Variants in SYT7 observed in about 807,000 individuals in gnomAD.
SYT7 encodes the protein synaptotagmin 7.
SYT7 carries 29 observed loss-of-function variants against 75.1 expected under a neutral mutation model. That is an observed-to-expected ratio of 0.39 (90% CI 0.29 to 0.53). The LOEUF is 0.53. Ranked by LOEUF, SYT7 falls within the 20% of genes least tolerant of loss-of-function variation. SYT7 has a pLI of 0.77. For missense variants in SYT7, 693 were observed against 953.2 expected, an observed-to-expected ratio of 0.73 and a Z score of 3.59; for synonymous variants, 376 against 401.7, an observed-to-expected ratio of 0.94 and a Z score of 0.76.
chr11:61,518,504 G>C lies in SYT7; in HGVS notation c.*123C>G. The C allele has an allele frequency of 3.2e-6, 2 of 629,462 alleles. No individual in the cohort carries two copies. The highest frequency in any genetic ancestry group is 5.2e-6 in the Non-Finnish European group (2 of 386,672). 39.0% of individuals were successfully genotyped at this position (629,462 alleles called of 1,614,324 possible). On this transcript the variant is annotated 3_prime_UTR_variant, in exon 13 of 13. Coordinates refer to ENST00000539008, the MANE Select transcript of SYT7 (RefSeq NM_001365809.2). ...CAGTTGAGTCCTGGGACCCCTCCCT[G>C]GCTGAGCCCTCAGGGTCCTCCCCTC... is the stretch of plus-strand genomic sequence containing the variant.
intron 2 of SYT7, among the ~76,000 whole-genome samples, chr11:61,552,456 ACACACACACACACATG>A (rs553326781): frequency 2.0e-4 from 28 of 138,658 alleles, no homozygotes; most frequent in African/African-American, 3.1e-4. Flanking sequence ...CCGGCTGCAC[ACACACACACACACATG>A]CACACACACA....
rs1046551 is a variant in SYT7, at chr11:61,515,527, T to C, written c.*3100A>G. 2 of 148,584 alleles carry C rather than the reference T, an allele frequency of 1.3e-5. No homozygotes were observed. The highest frequency in any genetic ancestry group is 3.0e-5 in the Non-Finnish European group (2 of 67,190). The allele number at this position is 148,584 out of a possible 1,614,324, so 9.2% of individuals were successfully genotyped here. Reference sequence around the variant, plus strand: ...TGCAAAATTTTTTTTTTTGTGATGGTGGGTTTTTGTTTTATTTTTTATAAA... The same window carrying C: ...TGCAAAATTTTTTTTTTTGTGATGGCGGGTTTTTGTTTTATTTTTTATAAA... On this transcript the variant is annotated 3_prime_UTR_variant, in exon 13 of 13. Coordinates refer to ENST00000539008, the MANE Select transcript of SYT7 (RefSeq NM_001365809.2).
Position 61,528,193 on chromosome 11 carries a change from TG to T in SYT7, c.1201-9del. 2 of 1,608,018 alleles carry T rather than the reference TG, an allele frequency of 1.2e-6. No individual in the cohort carries two copies. On this transcript the variant is annotated splice_polypyrimidine_tract_variant and intron_variant, in intron 8 of 12. Transcript: ENST00000539008. ...CTCGGAGCCTGGGGAGAGCTGGGGGTGGGGGAGAGGCCGGCAGGGTTTGGGG... is the reference window on the plus strand; with the variant it reads ...CTCGGAGCCTGGGGAGAGCTGGGGGTGGGGAGAGGCCGGCAGGGTTTGGGG...
chr11:61,574,264 C>A (rs939444745), intron 1 of SYT7, among the ~76,000 whole-genome samples: 14 of 152,154 alleles, frequency 9.2e-5, no homozygotes, highest in Admixed American at 6.5e-4. Context: ...GAGGTAAGAA[C>A]CATCATCATA....
rs948610252 is a variant in SYT7, at chr11:61,524,381, C to T, written c.1623G>A (p.Lys541=). 1 of 1,614,030 alleles carries T rather than the reference C, an allele frequency of 6.2e-7. No homozygotes were observed. Among genetic ancestry groups the T allele is most frequent in the African/African-American group, 1.3e-5 (1 of 74,952 alleles). Residue 541 remains lysine (K), a synonymous_variant, in exon 10 of 13, where the codon AAG becomes AAA. Coordinates refer to ENST00000539008, the MANE Select transcript of SYT7 (RefSeq NM_001365809.2). The surrounding 1 kb of genome is among the most constrained non-coding windows in gnomAD (Gnocchi z 4.1). ...GCCTTACACTCCCATCGCTGCATGG[C>T]TTCAGATCCTTCCAGAAGGTCTGCA... ...TQMQTFWKDL[K]PCSDGSGSRG... is the part of the protein sequence containing the mutation.
Position 61,517,163 on chromosome 11 carries a change from C to T in SYT7, c.*1464G>A. ...GCTCGTGGACCCCCAGGATTGGAGG[C>T]TTTGTCACCAGCTGGGTCTTGTATC... On this transcript the variant is annotated 3_prime_UTR_variant, in exon 13 of 13. Transcript: ENST00000539008. The T allele has an allele frequency of 7.5e-6, 3 of 397,936 alleles. No homozygotes were observed. The highest frequency in any genetic ancestry group is 1.3e-5 in the Non-Finnish European group (3 of 225,870). 24.7% of individuals were successfully genotyped at this position (397,936 alleles called of 1,614,324 possible). A position where few individuals can be genotyped will look rare whatever the true frequency, so the allele number is the denominator to read the frequency against.
In SYT7 at chr11:61,534,388, C is replaced by T. The variant is rs1375696505; in HGVS notation, c.1065-1264G>A. Among the ~76,000 whole-genome samples the T allele has an allele frequency of 2.6e-5, 4 of 152,110 alleles. No individual in the cohort carries two copies. The East Asian group carries it at 7.7e-4, about 29-fold the overall frequency. On this transcript the variant is annotated intron_variant, in intron 7 of 12. Coordinates refer to ENST00000539008, the MANE Select transcript of SYT7 (RefSeq NM_001365809.2). ...ACGTGCGCACACACACACGCACATGCATGCACACACATGTACACACGCACG... is the reference window on the plus strand; with the variant it reads ...ACGTGCGCACACACACACGCACATGTATGCACACACATGTACACACGCACG...
At chr11:61,567,637 G>C (rs1038715293) in intron 1 of SYT7, among the ~76,000 whole-genome samples, 5 of 152,230 alleles carry the variant, frequency 3.3e-5, no homozygotes, top group African/African-American at 9.6e-5. Context: ...AGGACAAAAA[G>C]GGCCGCCCCG....
At chr11:61,560,476 G>A (rs749376788) in intron 1 of SYT7, among the ~76,000 whole-genome samples, 1 of 152,176 alleles carries the variant, frequency 6.6e-6, no homozygotes, top group African/African-American at 2.4e-5. Flanking sequence ...TACAGTGTGG[G>A]TGGCTGCTGT....
At chr11:61,567,132 G>A (rs1208170371) in intron 1 of SYT7, among the ~76,000 whole-genome samples, 3 of 152,166 alleles carry the variant, frequency 2.0e-5, no homozygotes, top group Admixed American at 6.5e-5. Flanking sequence ...GGAATCCAGG[G>A]GCGGGAGAAA....
chr11:61,530,173 G>A (rs2062660654), intron 8 of SYT7, among the ~76,000 whole-genome samples: 1 of 152,194 alleles, frequency 6.6e-6, no homozygotes, highest in African/African-American at 2.4e-5. Context: ...AGTGGGAATG[G>A]AACCCAGTTT....
chr11:61,556,274 C>T, intron 1 of SYT7, 67 bp from the exon 2 acceptor site: 1 of 1,325,510 alleles, frequency 7.5e-7, no homozygotes, highest in South Asian at 1.3e-5. Flanking sequence ...CAGCCCAGAG[C>T]CCTCCAGAAC....
intron 1 of SYT7, among the ~76,000 whole-genome samples, chr11:61,557,700 C>T (rs1239912933): frequency 6.6e-6 from 1 of 152,226 alleles, no homozygotes; most frequent in Non-Finnish European, 1.5e-5. Context: ...CCTCAACCCC[C>T]CGGAAGCCCC....
At chr11:61,558,505 TACACACACACACAC>T (rs34301756) in intron 1 of SYT7, among the ~76,000 whole-genome samples, 1 of 134,570 alleles carries the variant, frequency 7.4e-6, no homozygotes, top group Non-Finnish European at 1.6e-5. Context: ...CACACACACA[TACACACACACACAC>T]ACACACACAC....
chr11:61,581,118 TGTGTGTGAGCGC>T (rs1302254305), upstream of SYT7: 20 of 197,902 alleles, frequency 1.0e-4, no homozygotes, highest in Admixed American at 4.1e-4. Context: ...TGTGTATGTG[TGTGTGTGAGCGC>T]GTGTGTGAGC....
At chr11:61,532,476 G>A (rs900864672) in intron 8 of SYT7, among the ~76,000 whole-genome samples, 2 of 152,126 alleles carry the variant, frequency 1.3e-5, no homozygotes, top group South Asian at 2.1e-4. Context: ...CAGAGGAGCC[G>A]GGACCAGTGG....
intron 3 of SYT7, among the ~76,000 whole-genome samples, chr11:61,549,083 G>A (rs146047562): frequency 6.6e-5 from 10 of 152,224 alleles, no homozygotes; most frequent in African/African-American, 1.2e-4. Context: ...GCCTCCCTGC[G>A]TCAGGTATAA....
intron 9 of SYT7, among the ~76,000 whole-genome samples, chr11:61,526,846 C>T (rs903351385): frequency 6.6e-6 from 1 of 152,182 alleles, no homozygotes; most frequent in East Asian, 1.9e-4. Context: ...GGTGACCTGG[C>T]TGTCATCTTG....
chr11:61,527,890 C>T lies in SYT7; in HGVS notation c.1471+25G>A, dbSNP rs371990382. The T allele has an allele frequency of 2.2e-5, 36 of 1,609,208 alleles. No individual in the cohort carries two copies. The African/African-American group carries it at 2.7e-4, about 12-fold the overall frequency. On this transcript the variant is annotated intron_variant, in intron 9 of 12. Transcript: ENST00000539008. ...GGTAGACAGCAAGAGGTGACCATGG[C>T]GGGGGAAGGTGGCACTAGACTCACC...
Sources: gnomAD v4.1 joint callset for allele counts (sites outside exome capture counted in the v4.1 genomes callset) on GRCh38, gnomAD v4.1.1 for gene constraint, Gnocchi (gnomAD v3.1) non-coding constraint, MANE v1.5 for transcripts, NCBI Gene and HGNC (gene_info 2026-07-23, HGNC 2026-07-21) for gene names.